PVT1: variants seen among roughly 807,000 people sequenced by gnomAD.
PVT1 encodes the protein Pvt1 oncogene.
chr8:128,093,872 G>C (rs894900559), intron 5 of PVT1, among the ~76,000 whole-genome samples: 7 of 152,154 alleles, frequency 4.6e-5, no homozygotes, highest in Admixed American at 1.3e-4. Context: ...TCCTGACCTC[G>C]TGATCTGCCC....
Position 128,006,967 on chromosome 8 carries a change from C to T in PVT1, n.912+17676C>T, listed in dbSNP as rs181097062. Among the ~76,000 whole-genome samples, 10 of 152,332 alleles carry T rather than the reference C, an allele frequency of 6.6e-5. No homozygotes were observed. The East Asian group carries it at 1.7e-3, about 26-fold the overall frequency. On this transcript the variant is annotated intron_variant and non_coding_transcript_variant, in intron 4 of 10. Transcript: ENST00000651587. ...TGCCTGGTCCAGCCCTGGAATCAGCCATTGCTGCTGTGCTATCCTTGACAG... is the reference window on the plus strand; with the variant it reads ...TGCCTGGTCCAGCCCTGGAATCAGCTATTGCTGCTGTGCTATCCTTGACAG...
At position 127,947,794 on chromosome 8, in the gene PVT1, C is replaced by G. The variant is rs1276624099; in HGVS notation, n.783-41368C>G. On this transcript the variant is annotated intron_variant and non_coding_transcript_variant, in intron 3 of 10. Coordinates refer to ENST00000651587, the Ensembl canonical transcript of PVT1. ...GTTTCTGAATCTTGTGAAATAGTTACAAATACTATGAAACAGGAATACAAA... is the reference window on the plus strand; with the variant it reads ...GTTTCTGAATCTTGTGAAATAGTTAGAAATACTATGAAACAGGAATACAAA... The G allele has an allele frequency of 1.5e-5, 7 of 456,376 alleles. No individual in the cohort carries two copies. The Admixed American group carries it at 1.6e-4, about 11-fold the overall frequency. The allele number at this position is 456,376 out of a possible 1,614,324, so 28.3% of individuals were successfully genotyped here.
At chr8:127,930,123 A>T (rs1180032638) in intron 3 of PVT1, among the ~76,000 whole-genome samples, 1 of 152,064 alleles carries the variant, frequency 6.6e-6, no homozygotes, top group Non-Finnish European at 1.5e-5. Context: ...AACAATAATT[A>T]AAAAAAACCA....
intron 2 of PVT1, among the ~76,000 whole-genome samples, chr8:127,836,245 CTG>C (rs1435616134): frequency 6.6e-6 from 1 of 152,164 alleles, no homozygotes. Flanking sequence ...TCCTTGAACT[CTG>C]TGTTGTCTGA....
chr8:128,079,064 T>C (rs1278059373), intron 5 of PVT1, among the ~76,000 whole-genome samples: 1 of 151,832 alleles, frequency 6.6e-6, no homozygotes, highest in Non-Finnish European at 1.5e-5. Flanking sequence ...TTTTTTTCCA[T>C]TTACATTTTT....
intron 2 of PVT1, among the ~76,000 whole-genome samples, chr8:127,889,632 G>A (rs1815574880): frequency 6.6e-6 from 1 of 152,094 alleles, no homozygotes; most frequent in Admixed American, 6.6e-5. Context: ...TGGCCATTCT[G>A]GGCAGGAATC....
chr8:128,022,242 C>T (rs1275382103), intron 4 of PVT1, among the ~76,000 whole-genome samples: 2 of 152,028 alleles, frequency 1.3e-5, no homozygotes, highest in Non-Finnish European at 2.9e-5. Context: ...AAGGTGGGGA[C>T]GGGGTGGGAG....
chr8:127,826,996 T>TTTTC (rs1456022338), intron 2 of PVT1, among the ~76,000 whole-genome samples: 1 of 131,418 alleles, frequency 7.6e-6, no homozygotes, highest in Non-Finnish European at 1.7e-5. Flanking sequence ...CTTTTTCTCT[T>TTTTC]TTTTTTTTTT....
intron 2 of PVT1, among the ~76,000 whole-genome samples, chr8:127,798,733 C>A (rs547895214): frequency 6.7e-6 from 1 of 150,370 alleles, no homozygotes; most frequent in African/African-American, 2.4e-5. Flanking sequence ...AAAATTAGCC[C>A]GGCGTGGTGG....
chr8:127,901,197 G>C (rs1815754383), intron 3 of PVT1, among the ~76,000 whole-genome samples: 1 of 152,242 alleles, frequency 6.6e-6, no homozygotes, highest in African/African-American at 2.4e-5. Context: ...GGCTTTTGGG[G>C]AGTTGGATGC....
At chr8:127,967,905 T>C (rs910031636) in intron 3 of PVT1, among the ~76,000 whole-genome samples, 2 of 152,164 alleles carry the variant, frequency 1.3e-5, no homozygotes, top group Admixed American at 1.3e-4. Flanking sequence ...CCACTGACAT[T>C]TATTGAGCGC....
chr8:127,950,506 G>A (rs1197244698), intron 3 of PVT1, among the ~76,000 whole-genome samples: 3 of 152,230 alleles, frequency 2.0e-5, no homozygotes, highest in African/African-American at 7.2e-5. Context: ...CCTGAAGGTG[G>A]AGGAGTTTCC....
At chr8:127,827,700 C>A (rs1366972679) in intron 2 of PVT1, among the ~76,000 whole-genome samples, 1 of 152,114 alleles carries the variant, frequency 6.6e-6, no homozygotes, top group Non-Finnish European at 1.5e-5. Context: ...AAATTTCCTT[C>A]CCCCTTTCTT....
chr8:127,871,297 C>T (rs1051465781), intron 2 of PVT1, among the ~76,000 whole-genome samples: 9 of 152,168 alleles, frequency 5.9e-5, no homozygotes, highest in Non-Finnish European at 8.8e-5. Context: ...GACGCGATGC[C>T]CAGGAGCCCT....
At chr8:127,802,294 G>A (rs1433777144) in intron 2 of PVT1, among the ~76,000 whole-genome samples, 1 of 152,078 alleles carries the variant, frequency 6.6e-6, no homozygotes, top group East Asian at 1.9e-4. Context: ...GATCATTATA[G>A]CCTCGACCTC....
At chr8:128,082,183 C>T (rs907557827) in intron 5 of PVT1, among the ~76,000 whole-genome samples, 5 of 152,176 alleles carry the variant, frequency 3.3e-5, no homozygotes, top group African/African-American at 9.7e-5. Context: ...TTTCATTTTA[C>T]ACTCATAGCT....
At chr8:128,023,228 A>T (rs996321492) in intron 4 of PVT1, among the ~76,000 whole-genome samples, 1 of 152,154 alleles carries the variant, frequency 6.6e-6, no homozygotes, top group Non-Finnish European at 1.5e-5. Context: ...TATCACCATG[A>T]AAAGAGATTT....
chr8:127,837,911 T>C (rs1814927203), intron 2 of PVT1, among the ~76,000 whole-genome samples: 1 of 152,044 alleles, frequency 6.6e-6, no homozygotes. Context: ...TTTTTTTTTT[T>C]TTTGAGGCGG....
chr8:127,953,273 T>G (rs1186682075), intron 3 of PVT1, among the ~76,000 whole-genome samples: 1 of 152,182 alleles, frequency 6.6e-6, no homozygotes, highest in African/African-American at 2.4e-5. Flanking sequence ...GAGATCACCC[T>G]ACTGCAACCT....
Sources: gnomAD v4.1 joint callset for allele counts (sites outside exome capture counted in the v4.1 genomes callset) on GRCh38, gnomAD v4.1.1 for gene constraint, MANE v1.5 for transcripts, NCBI Gene and HGNC (gene_info 2026-07-23, HGNC 2026-07-21) for gene names.